RNMT: variants seen among roughly 807,000 people sequenced by gnomAD.
The protein encoded by RNMT is mRNA cap guanine-N(7) methyltransferase.
RNMT carries 27 observed loss-of-function variants against 56.0 expected under a neutral mutation model. The ratio of observed to expected loss-of-function variants is 0.48; its 90% CI spans 0.36 to 0.67. The LOEUF (loss-of-function observed/expected upper bound fraction) is 0.67. RNMT is among the 30% of genes least tolerant of loss of function. The pLI is 0.00. For synonymous variants in RNMT, 184 were observed against 176.2 expected (o/e 1.04, Z -0.35); for missense variants, 519 against 552.1 (o/e 0.94, Z 0.60).
rs201093998 is a variant in RNMT, at chr18:13,744,159, C to CTTTTTTTTTTTTTTTTTTTTTTTTT, written c.1139+1509_1139+1533dup. On this transcript the variant is annotated intron_variant, in intron 8 of 11. Transcript: ENST00000383314. ...ATGCTAAACAAGACCTAGCGGTCTT[C>CTTTTTTTTTTTTTTTTTTTTTTTTT]TTTTTTTTTTTTTTTTTTTTTTTTT... 2.5e-4 allele frequency among the ~76,000 whole-genome samples: 23 copies of CTTTTTTTTTTTTTTTTTTTTTTTTT among 91,416 alleles called. 4 individuals carry two copies. Among genetic ancestry groups the CTTTTTTTTTTTTTTTTTTTTTTTTT allele is most frequent in the African/African-American group, 4.8e-4 (9 of 18,912 alleles). 60.0% of individuals were successfully genotyped at this position (91,416 alleles called of 152,430 possible).
intron 11 of RNMT, among the ~76,000 whole-genome samples, chr18:13,754,784 A>G (rs530393666): frequency 1.3e-5 from 2 of 152,332 alleles, no homozygotes; most frequent in East Asian, 1.9e-4. Flanking sequence ...GAATACTTGC[A>G]TGTCTTTTTT....
At chr18:13,727,268 G>A (rs903029110) in intron 1 of RNMT, among the ~76,000 whole-genome samples, 2 of 152,190 alleles carry the variant, frequency 1.3e-5, no homozygotes, top group South Asian at 2.1e-4. Flanking sequence ...CTGAAATGAC[G>A]CAGAGACATA....
At chr18:13,755,571 C>CTGAGT (rs1409910640) in intron 11 of RNMT, among the ~76,000 whole-genome samples, 1 of 152,064 alleles carries the variant, frequency 6.6e-6, no homozygotes, top group African/African-American at 2.4e-5. Flanking sequence ...GTAAGACTTC[C>CTGAGT]TGAGTTGGAT....
chr18:13,743,977 A>C (rs2044303140), intron 8 of RNMT, among the ~76,000 whole-genome samples: 1 of 152,002 alleles, frequency 6.6e-6, no homozygotes, highest in African/African-American at 2.4e-5. Context: ...AAAACTAATA[A>C]ACTGGGGAAA....
At chr18:13,751,481 G>T (rs1270344213) in intron 9 of RNMT, among the ~76,000 whole-genome samples, 4 of 152,214 alleles carry the variant, frequency 2.6e-5, no homozygotes, top group African/African-American at 9.6e-5. Context: ...ATGCTGGAGA[G>T]GATGTGGAGA....
At chr18:13,735,532 G>T (rs2044144164) in intron 4 of RNMT, among the ~76,000 whole-genome samples, 2 of 139,404 alleles carry the variant, frequency 1.4e-5, no homozygotes, top group Non-Finnish European at 1.5e-5. Context: ...TTAACGTAAT[G>T]GCATTTTCAG....
Position 13,737,015 on chromosome 18 carries a change from T to G in RNMT, c.559T>G (p.Phe187Val). 2 of 1,612,092 alleles carry G rather than the reference T, an allele frequency of 1.2e-6. No homozygotes were observed. Among genetic ancestry groups the G allele is most frequent in the South Asian group, 1.1e-5 (1 of 90,628 alleles). The change falls in exon 5 of 12, where the codon TTT (phenylalanine) becomes GTT (valine). Residue 187 changes from phenylalanine to valine, a missense_variant. By Grantham distance (50) the Phe-to-Val change is conservative (BLOSUM62 -1). Coordinates refer to ENST00000383314, the MANE Select transcript of RNMT (RefSeq NM_003799.3). ...NWMKSVLIGE[F>V]LEKVRQKKKR... is the part of the protein sequence containing the mutation. ...GACTGATTTCTCTCTTTTAGGAGAATTTTTGGAAAAGGTACGACAGAAGAA... is the reference window on the plus strand; with the variant it reads ...GACTGATTTCTCTCTTTTAGGAGAAGTTTTGGAAAAGGTACGACAGAAGAA...
chr18:13,746,445 C>T (rs1259693242), intron 9 of RNMT, 108 bp downstream of exon 9: 5 of 725,272 alleles, frequency 6.9e-6, no homozygotes, highest in Non-Finnish European at 1.2e-5. Flanking sequence ...GTGTATTACG[C>T]TCTTCAGCAC....
In RNMT at chr18:13,762,771, C is replaced by T. The variant is rs1382808447; in HGVS notation, c.*2792C>T. On this transcript the variant is annotated 3_prime_UTR_variant, in exon 12 of 12. Coordinates refer to ENST00000383314, the MANE Select transcript of RNMT (RefSeq NM_003799.3). ...ATGGCCAGGTATCCAGTTTTGTTAACTCTCTTTGGGAATTTCTTTTTCAGC... is the reference window on the plus strand; with the variant it reads ...ATGGCCAGGTATCCAGTTTTGTTAATTCTCTTTGGGAATTTCTTTTTCAGC... 3.7e-6 allele frequency: 1 copy of T among 273,000 alleles called. No individual in the cohort carries two copies. Among genetic ancestry groups the T allele is most frequent in the Non-Finnish European group, 7.3e-6 (1 of 137,042 alleles). 16.9% of individuals were successfully genotyped at this position (273,000 alleles called of 1,614,324 possible).
chr18:13,760,530 T>C lies in RNMT; in HGVS notation c.*551T>C. ...GTTACTTAGCTAAAATTTTAGCAAT[T>C]TATTGCATTTTGAAATAATCATTAA... On this transcript the variant is annotated 3_prime_UTR_variant, in exon 12 of 12. Transcript: ENST00000383314. 1 of 985,742 alleles carries C rather than the reference T, an allele frequency of 1.0e-6. No homozygotes were observed. Among genetic ancestry groups the C allele is most frequent in the East Asian group, 1.1e-4 (1 of 8,820 alleles). 61.1% of individuals were successfully genotyped at this position (985,742 alleles called of 1,614,324 possible). A position where few individuals can be genotyped will look rare whatever the true frequency, so the allele number is the denominator to read the frequency against.
At chr18:13,728,300 CTTTTTTTT>C (rs1204415985) in intron 1 of RNMT, among the ~76,000 whole-genome samples, 7 of 109,634 alleles carry the variant, frequency 6.4e-5, no homozygotes, top group African/African-American at 2.2e-4. Context: ...TCATCAGCAT[CTTTTTTTT>C]TTTTTTTTTT....
At chr18:13,757,295 A>C (rs1055049270) in intron 11 of RNMT, among the ~76,000 whole-genome samples, 1 of 152,050 alleles carries the variant, frequency 6.6e-6, no homozygotes, top group Non-Finnish European at 1.5e-5. Flanking sequence ...AAGACAATGA[A>C]GTTTGCCTCA....
chr18:13,763,206 C>A lies in RNMT; in HGVS notation c.*3227C>A, dbSNP rs1011723317. The A allele has an allele frequency of 3.8e-5, 17 of 450,992 alleles. No individual in the cohort carries two copies. Among genetic ancestry groups the A allele is most frequent in the African/African-American group, 3.4e-4 (17 of 49,988 alleles). 27.9% of individuals were successfully genotyped at this position (450,992 alleles called of 1,614,324 possible). On this transcript the variant is annotated 3_prime_UTR_variant, in exon 12 of 12. Transcript: ENST00000383314. ...GCACACTTGACAAGTGTTTTCATTC[C>A]CCGCCCTCTGACAGAACAACATTCC...
intron 1 of RNMT, chr18:13,730,340 C>T (rs529153945): frequency 6.6e-6 from 1 of 152,186 alleles, no homozygotes; most frequent in Non-Finnish European, 1.5e-5. Flanking sequence ...TTGTCTAAAG[C>T]CATTTCTACT....
At position 13,759,953 on chromosome 18, in the gene RNMT, G is replaced by A. The variant is rs1052337925; in HGVS notation, c.1405G>A (p.Val469Met). The A allele has an allele frequency of 4.3e-6, 7 of 1,612,096 alleles. No individual in the cohort carries two copies. In the Admixed American group the frequency reaches 5.0e-5, roughly 12 times the overall value. Reference sequence around the variant, plus strand: ...TATTTCTTCTTTAGGTATTTACTTGGTGTTTGCCTTTGAGAAACAGCAGTG... The same window carrying A: ...TATTTCTTCTTTAGGTATTTACTTGATGTTTGCCTTTGAGAAACAGCAGTG... Reference protein sequence around the residue: ...SEWEATSIYLVFAFEKQQ With the variant: ...SEWEATSIYLMFAFEKQQ The change falls in exon 12 of 12, where the codon GTG (valine) becomes ATG (methionine). Residue 469 changes from valine (V) to methionine (M), a missense_variant. Val to Met is a conservative substitution (Grantham distance 21). Transcript: ENST00000383314.
intron 8 of RNMT, chr18:13,742,875 C>T (rs1015803437): frequency 3.2e-6 from 1 of 311,436 alleles, no homozygotes; most frequent in African/African-American, 2.2e-5. Flanking sequence ...ACTTAGTTTT[C>T]TCTCATTCCT....
chr18:13,728,626 G>A lies in RNMT; in HGVS notation c.-172+1897G>A, dbSNP rs116391783. 5.2e-3 allele frequency among the ~76,000 whole-genome samples: 789 copies of A among 151,986 alleles called. 8 individuals carry two copies. Among genetic ancestry groups the A allele is most frequent in the African/African-American group, 0.017 (719 of 41,446 alleles). On this transcript the variant is annotated intron_variant, in intron 1 of 11. Coordinates refer to ENST00000383314, the MANE Select transcript of RNMT (RefSeq NM_003799.3). ...GCTGGGATTACAGGTGTGAGCCACC[G>A]TGACGGCCTCAGCATCCATTTTTTA...
At chr18:13,753,846 CACACAA>C (rs1196377710) in intron 10 of RNMT, among the ~76,000 whole-genome samples, 12 of 151,330 alleles carry the variant, frequency 7.9e-5, no homozygotes, top group African/African-American at 2.9e-4. Context: ...CACACACACA[CACACAA>C]TGCCCTCTTC....
chr18:13,752,394 G>A lies in RNMT; in HGVS notation c.1326G>A (p.Lys442=), dbSNP rs2044464832. The change falls in exon 10 of 12, where the codon AAG becomes AAA. Residue 442 remains lysine (K), a synonymous_variant. Coordinates refer to ENST00000383314, the MANE Select transcript of RNMT (RefSeq NM_003799.3). ...TGGATGACTATGAACATGCAGCAAA[G>A]TACATGAAGAACAGTCAAGTAAGGT... ...EKVDDYEHAA[K]YMKNSQVRLP... The A allele has an allele frequency of 1.2e-6, 2 of 1,612,270 alleles. No individual in the cohort carries two copies. Among genetic ancestry groups the A allele is most frequent in the South Asian group, 2.2e-5 (2 of 91,042 alleles).
Sources: allele counts gnomAD v4.1 joint callset (sites outside exome capture counted in the v4.1 genomes callset), GRCh38; gene constraint gnomAD v4.1.1; transcripts MANE v1.5; gene names NCBI Gene and HGNC (gene_info 2026-07-23, HGNC 2026-07-21).